The following EYS variants were observed in gnomAD, a reference collection of about 807,000 sequenced individuals.
EYS encodes protein eyes shut homolog.
A neutral mutation model predicts 282.1 loss-of-function variants in EYS; 250 were observed. The observed-to-expected ratio is 0.89, with a 90% CI of 0.80 to 0.98. The LOEUF is 0.98. Ranked by LOEUF, EYS falls within the 50% of genes least tolerant of loss-of-function variation. The probability of loss-of-function intolerance (pLI) is 0.00; values close to 1 mark genes in which losing one functional copy is unlikely to be tolerated. For missense variants in EYS, 4,016 were observed against 3,709.0 expected (o/e 1.08, Z -2.15); for synonymous variants, 1,355 against 1,282.9 (o/e 1.06, Z -1.20).
intron 33 of EYS, among the ~76,000 whole-genome samples, chr6:64,028,206 G>A (rs1219073466): frequency 6.6e-6 from 1 of 152,184 alleles, no homozygotes; most frequent in Admixed American, 6.5e-5. Flanking sequence ...TGAAGTCTGG[G>A]CATTGGAAGG....
chr6:64,252,269 A>G (rs755118563), intron 30 of EYS, among the ~76,000 whole-genome samples: 1 of 152,108 alleles, frequency 6.6e-6, no homozygotes, highest in Non-Finnish European at 1.5e-5. Context: ...ATGCCTTCCT[A>G]TATAGCCCAA....
chr6:64,457,937 G>T (rs2150482632), intron 26 of EYS, among the ~76,000 whole-genome samples: 1 of 151,884 alleles, frequency 6.6e-6, no homozygotes, highest in Middle Eastern at 3.4e-3. Context: ...TTTTGTTTGT[G>T]TGTGTGTATC....
intron 36 of EYS, among the ~76,000 whole-genome samples, chr6:63,830,995 C>T (rs1432287323): frequency 6.6e-6 from 1 of 152,076 alleles, no homozygotes; most frequent in Admixed American, 6.6e-5. Context: ...GAAATAAAAT[C>T]CTTTACAGAC....
At chr6:65,642,448 A>G (rs1464694305) in intron 1 of EYS, among the ~76,000 whole-genome samples, 2 of 152,258 alleles carry the variant, frequency 1.3e-5, no homozygotes, top group South Asian at 4.1e-4. Flanking sequence ...CCTCAGTCAC[A>G]TTCAACAATT....
intron 19 of EYS, among the ~76,000 whole-genome samples, chr6:64,854,836 A>T (rs924326065): frequency 2.0e-5 from 3 of 151,852 alleles, no homozygotes; most frequent in African/African-American, 7.3e-5. Context: ...TCTGTTGGGG[A>T]TCATACTGTT....
intron 5 of EYS, among the ~76,000 whole-genome samples, chr6:65,472,139 A>ATT (rs1451874445): frequency 6.6e-6 from 1 of 152,114 alleles, no homozygotes; most frequent in Non-Finnish European, 1.5e-5. Flanking sequence ...TGCAATATGT[A>ATT]TTTGTTTAAT....
chr6:64,943,093 G>T (rs1769153256), intron 15 of EYS, among the ~76,000 whole-genome samples: 1 of 151,940 alleles, frequency 6.6e-6, no homozygotes, highest in Non-Finnish European at 1.5e-5. Context: ...TGCATAAACA[G>T]AATTAAAAAC....
chr6:64,680,980 A>G (rs191109741), intron 22 of EYS, among the ~76,000 whole-genome samples: 76 of 152,356 alleles, frequency 5.0e-4, no homozygotes, highest in African/African-American at 1.7e-3. Flanking sequence ...GGAGGCTGGT[A>G]TATATAGCAG....
At chr6:63,957,557 A>C (rs79540494) in intron 35 of EYS, among the ~76,000 whole-genome samples, 2,294 of 141,526 alleles carry the variant, frequency 0.016, 176 homozygotes, top group African/African-American at 0.052. Context: ...GTTTGTTGAC[A>C]GAATGAAGCT....
intron 12 of EYS, among the ~76,000 whole-genome samples, chr6:65,221,345 T>C (rs1766459100): frequency 6.6e-6 from 1 of 152,142 alleles, no homozygotes; most frequent in Non-Finnish European, 1.5e-5. Flanking sequence ...TGGTTTTGTG[T>C]TCCAGGCCTA....
Position 63,877,277 on chromosome 6 carries a change from T to C in EYS, c.7056-12919A>G, listed in dbSNP as rs1406868049. Among the ~76,000 whole-genome samples the C allele has an allele frequency of 2.0e-5, 3 of 152,198 alleles. No homozygotes were observed. The East Asian group carries it at 5.8e-4, about 29-fold the overall frequency. ...ATTCTGGGTTGAACATTCTTTTCCT[T>C]AAGAATGTTGAATATTGGCCCCCAC... On this transcript the variant is annotated intron_variant, in intron 35 of 42. Transcript: ENST00000503581.
intron 28 of EYS, among the ~76,000 whole-genome samples, chr6:64,396,570 A>G (rs1258076897): frequency 6.6e-6 from 1 of 152,124 alleles, no homozygotes; most frequent in East Asian, 1.9e-4. Flanking sequence ...ATTTAGATCT[A>G]CAATCCACCT....
At chr6:63,781,183 G>C (rs1231625574) in intron 39 of EYS, among the ~76,000 whole-genome samples, 1 of 152,214 alleles carries the variant, frequency 6.6e-6, no homozygotes, top group East Asian at 1.9e-4. Context: ...CACGTAGCGT[G>C]ATGCCTCCAG....
chr6:65,286,523 T>G (rs1037219542), intron 12 of EYS, among the ~76,000 whole-genome samples: 4 of 151,780 alleles, frequency 2.6e-5, no homozygotes, highest in African/African-American at 9.7e-5. Context: ...CCCACAGAAA[T>G]ATACATATAT....
chr6:65,436,997 T>C (rs866201479), intron 5 of EYS, among the ~76,000 whole-genome samples: 21 of 152,222 alleles, frequency 1.4e-4, no homozygotes, highest in Middle Eastern at 6.8e-3. Context: ...GTATGTAAAG[T>C]AAAAATTAGA....
intron 26 of EYS, among the ~76,000 whole-genome samples, chr6:64,580,735 G>A (rs992018368): frequency 9.2e-5 from 14 of 151,946 alleles, no homozygotes; most frequent in Non-Finnish European, 1.3e-4. Flanking sequence ...TGTGGAAGGC[G>A]GAATAGAAAG....
intron 12 of EYS, among the ~76,000 whole-genome samples, chr6:65,152,107 T>C (rs1273058084): frequency 6.6e-6 from 1 of 152,002 alleles, no homozygotes; most frequent in Non-Finnish European, 1.5e-5. Flanking sequence ...AATGTTGTTC[T>C]TCATAGTTGC....
intron 12 of EYS, among the ~76,000 whole-genome samples, chr6:65,111,190 T>C (rs1349109036): frequency 2.0e-5 from 3 of 152,148 alleles, no homozygotes; most frequent in South Asian, 4.1e-4. Flanking sequence ...GTTTGGCGTA[T>C]ATATTATAAA....
intron 35 of EYS, among the ~76,000 whole-genome samples, chr6:63,877,122 A>G (rs1028728870): frequency 6.6e-6 from 1 of 152,022 alleles, no homozygotes; most frequent in Non-Finnish European, 1.5e-5. Context: ...GTTCCTTTCC[A>G]TGTTTAGTGC....
Sources: allele counts gnomAD v4.1 joint callset (sites outside exome capture counted in the v4.1 genomes callset), GRCh38; gene constraint gnomAD v4.1.1; transcripts MANE v1.5; gene names NCBI Gene and HGNC (gene_info 2026-07-23, HGNC 2026-07-21).